Variants in ARPC2 observed in about 807,000 individuals in gnomAD.
The protein encoded by ARPC2 is actin related protein 2/3 complex subunit 2.
In ARPC2, 4 loss-of-function variants were observed where a neutral mutation model predicts 38.6. The ratio of observed to expected loss-of-function variants is 0.10; its 90% CI spans 0.05 to 0.24. The LOEUF (loss-of-function observed/expected upper bound fraction) is 0.24. ARPC2 is among the 10% of genes least tolerant of loss of function. The pLI is 1.00. For missense variants in ARPC2, 229 were observed against 387.3 expected, an observed-to-expected ratio of 0.59 and a Z score of 3.43; for synonymous variants, 125 against 140.8, an observed-to-expected ratio of 0.89 and a Z score of 0.79.
rs1400065672 is a variant in ARPC2 at position 218,239,674 on chromosome 2, A to C, written c.549+190A>C. ...AATGGAGTGATCTCGGCTCACTGCAACCTCCGCCTCCCAGGTTCAAGCAAT... is the reference window on the plus strand; with the variant it reads ...AATGGAGTGATCTCGGCTCACTGCACCCTCCGCCTCCCAGGTTCAAGCAAT... On this transcript the variant is annotated intron_variant, in intron 7 of 10. Coordinates refer to ENST00000315717, the MANE Select transcript of ARPC2 (RefSeq NM_152862.3). 5 of 515,284 alleles carry C rather than the reference A, an allele frequency of 9.7e-6. No individual in the cohort carries two copies. The South Asian group carries it at 1.2e-4, about 13-fold the overall frequency. The allele number at this position is 515,284 out of a possible 1,614,324, so 31.9% of individuals were successfully genotyped here.
rs1427241792 is a variant in ARPC2 at position 218,217,209 on chromosome 2, G to A, written c.-54G>A. 2.4e-5 allele frequency: 11 copies of A among 454,508 alleles called. No individual in the cohort carries two copies. Among genetic ancestry groups the A allele is most frequent in the Non-Finnish European group, 3.9e-6 (1 of 255,848 alleles). The allele number at this position is 454,508 out of a possible 1,614,324, so 28.2% of individuals were successfully genotyped here. On this transcript the variant is annotated 5_prime_UTR_variant, in exon 1 of 11. Coordinates refer to ENST00000315717, the MANE Select transcript of ARPC2 (RefSeq NM_152862.3). ...GGCTTGTCGGTGAAGCGGCAGTGGC[G>A]GCGGCGGCGGCGGCTCGGCAGGCGG...
At chr2:218,238,590 CTTTTTTTT>C (rs34654904) in intron 5 of ARPC2, 66 bp from the exon 6 acceptor site, 16 of 427,622 alleles carry the variant, frequency 3.7e-5, no homozygotes, top group South Asian at 8.7e-5. Context: ...TAGTATGCTG[CTTTTTTTT>C]TTTTTTTTTT....
intron 6 of ARPC2, chr2:218,239,107 T>G (rs1346788440): frequency 3.5e-6 from 2 of 565,908 alleles, no homozygotes; most frequent in Non-Finnish European, 6.2e-6. Context: ...GAGTCATGTT[T>G]AAGAGTATAG....
At chr2:218,238,197 T>G (rs537486941) in intron 5 of ARPC2, among the ~76,000 whole-genome samples, 84 of 152,302 alleles carry the variant, frequency 5.5e-4, no homozygotes, top group African/African-American at 1.7e-3. Flanking sequence ...GGGTTTATCT[T>G]ATTATCACAA....
Position 218,254,061 on chromosome 2 carries a change from C to G in ARPC2, c.*146C>G. On this transcript the variant is annotated 3_prime_UTR_variant, in exon 11 of 11. Transcript: ENST00000315717. ...ATTTTGTACACGTTTGGAAAATAAT[C>G]TGCAGAAACGAGCTGTGCTTGCAAA... 1 of 958,734 alleles carries G rather than the reference C, an allele frequency of 1.0e-6. No homozygotes were observed. The highest frequency in any genetic ancestry group is 1.5e-6 in the Non-Finnish European group (1 of 648,720). The allele number at this position is 958,734 out of a possible 1,614,324, so 59.4% of individuals were successfully genotyped here.
intron 7 of ARPC2, among the ~76,000 whole-genome samples, chr2:218,240,342 T>C (rs1375903493): frequency 2.0e-5 from 3 of 152,208 alleles, no homozygotes; most frequent in African/African-American, 7.2e-5. Context: ...ATGAATGTTA[T>C]GCATCCTTCC....
chr2:218,229,975 C>T (rs1689591182), intron 4 of ARPC2, among the ~76,000 whole-genome samples: 1 of 145,842 alleles, frequency 6.9e-6, no homozygotes, highest in African/African-American at 2.5e-5. Flanking sequence ...AGCCCTGCCT[C>T]TTTTTTTTTT....
intron 2 of ARPC2, among the ~76,000 whole-genome samples, chr2:218,222,724 C>T (rs1689412045): frequency 6.6e-6 from 1 of 152,204 alleles, no homozygotes; most frequent in Admixed American, 6.5e-5. Context: ...TGATTACCTT[C>T]TATGAGCTAG....
chr2:218,227,700 C>G (rs906555919), intron 3 of ARPC2, among the ~76,000 whole-genome samples: 1 of 152,126 alleles, frequency 6.6e-6, no homozygotes, highest in Admixed American at 6.5e-5. Context: ...AAGCGATTCT[C>G]CTGTCTCAGC....
At chr2:218,250,232 A>C (rs755539638) in intron 10 of ARPC2, among the ~76,000 whole-genome samples, 10 of 152,294 alleles carry the variant, frequency 6.6e-5, no homozygotes, top group Non-Finnish European at 1.3e-4. Flanking sequence ...GTCTTTCTGG[A>C]GAGATGGAGT....
At chr2:218,239,523 GACTT>G (rs753204594) in intron 7 of ARPC2, 39 bp downstream of exon 7, 62 of 1,494,026 alleles carry the variant, frequency 4.1e-5, no homozygotes, top group Admixed American at 3.5e-4. Context: ...CATGCATGGC[GACTT>G]ATACCTTTGC....
At chr2:218,231,151 A>G (rs948936806) in intron 4 of ARPC2, among the ~76,000 whole-genome samples, 2 of 152,142 alleles carry the variant, frequency 1.3e-5, no homozygotes, top group Admixed American at 1.3e-4. Flanking sequence ...GCCATTTTTA[A>G]AGGTGGAATG....
Position 218,253,891 on chromosome 2 carries a change from G to T in ARPC2, c.879G>T (p.Thr293=), listed in dbSNP as rs1273209776. The T allele has an allele frequency of 6.2e-7, 1 of 1,613,742 alleles. No homozygotes were observed. Among genetic ancestry groups the T allele is most frequent in the Non-Finnish European group, 8.5e-7 (1 of 1,179,962 alleles). The change falls in exon 11 of 11, where the codon ACG becomes ACT. Residue 293 remains threonine, a splice_region_variant and synonymous_variant. Transcript: ENST00000315717. ...TTCGCACTTATCTCTCCTTTTGAAG[G>T]GGGAAGACGTTTTCATCCCGCTAAT... ...DAEKKEMKTI[T]GKTFSSR
chr2:218,247,439 GT>G (rs1355723522), intron 8 of ARPC2, among the ~76,000 whole-genome samples: 3 of 152,144 alleles, frequency 2.0e-5, no homozygotes, highest in Non-Finnish European at 4.4e-5. Context: ...TGATGAATCT[GT>G]TGATTTACCA....
intron 4 of ARPC2, among the ~76,000 whole-genome samples, chr2:218,231,075 C>T (rs1316664260): frequency 6.6e-6 from 1 of 152,116 alleles, no homozygotes; most frequent in Admixed American, 6.5e-5. Context: ...CAGTAAATGG[C>T]TCCCTGGGTT....
chr2:218,245,683 CA>C, intron 8 of ARPC2, 137 bp downstream of exon 8: 1 of 1,180,918 alleles, frequency 8.5e-7, no homozygotes. Flanking sequence ...GTTGCCATTG[CA>C]GTGACTAAAG....
chr2:218,228,572 A>G (rs887407778), intron 3 of ARPC2, among the ~76,000 whole-genome samples, 166 bp from the exon 4 acceptor site: 1 of 152,232 alleles, frequency 6.6e-6, no homozygotes, highest in Non-Finnish European at 1.5e-5. Flanking sequence ...CAGCAATTCT[A>G]TCCCAGTGTT....
At chr2:218,246,383 A>G (rs1238874791) in intron 8 of ARPC2, among the ~76,000 whole-genome samples, 1 of 151,910 alleles carries the variant, frequency 6.6e-6, no homozygotes, top group African/African-American at 2.4e-5. Flanking sequence ...CAAAGAAATT[A>G]GCTGGGCGTG....
chr2:218,232,242 A>G (rs1333121090), intron 4 of ARPC2, among the ~76,000 whole-genome samples: 1 of 145,174 alleles, frequency 6.9e-6, no homozygotes, highest in Non-Finnish European at 1.5e-5. Flanking sequence ...CTCCGTCTCA[A>G]AAAAAAAGAA....
Sources: gnomAD v4.1 joint callset for allele counts (sites outside exome capture counted in the v4.1 genomes callset) on GRCh38, gnomAD v4.1.1 for gene constraint, MANE v1.5 for transcripts, NCBI Gene and HGNC (gene_info 2026-07-23, HGNC 2026-07-21) for gene names.